HDLBP: variants seen among roughly 807,000 people sequenced by gnomAD.
HDLBP encodes high density lipoprotein binding protein.
Under a neutral mutation model 137.3 loss-of-function variants are expected in HDLBP, and 30 were observed. The observed-to-expected ratio is 0.22, with a 90% CI of 0.16 to 0.30. The LOEUF (loss-of-function observed/expected upper bound fraction) is 0.30. Ranked by LOEUF, HDLBP falls within the 10% of genes least tolerant of loss-of-function variation. The pLI, the probability that HDLBP is intolerant of heterozygous loss-of-function variation, is 1.00. For missense variants in HDLBP, 1,119 were observed against 1,667.3 expected (o/e 0.67, Z 5.73); for synonymous variants, 606 against 596.0 (o/e 1.02, Z -0.24).
chr2:241,272,677 C>A lies in HDLBP; in HGVS notation c.-102-4136G>T. On this transcript the variant is annotated intron_variant, in intron 1 of 27. Coordinates refer to ENST00000310931, the MANE Select transcript of HDLBP (RefSeq NM_005336.6). The surrounding 1 kb of genome is among the most constrained non-coding windows in gnomAD (Gnocchi z 5.6). ...CCCTCCGCGGCCTCCACGTCAGCAG[C>A]CACCCCCCACCCCCCCGCCCGGCAG... 2.6e-6 allele frequency: 2 copies of A among 764,302 alleles called. No homozygotes were observed. The highest frequency in any genetic ancestry group is 3.1e-6 in the Non-Finnish European group (2 of 638,516). 47.3% of individuals were successfully genotyped at this position (764,302 alleles called of 1,614,324 possible).
At chr2:241,286,517 C>CT (rs921786498) in intron 1 of HDLBP, among the ~76,000 whole-genome samples, 5 of 152,184 alleles carry the variant, frequency 3.3e-5, no homozygotes, top group African/African-American at 1.2e-4. Flanking sequence ...GTCTTCCTGC[C>CT]TTTGCTTCGA....
At chr2:241,249,422 C>G (rs1178519574) in intron 12 of HDLBP, 3 of 477,166 alleles carry the variant, frequency 6.3e-6, no homozygotes, top group Non-Finnish European at 1.3e-5. Context: ...CAGAGCAGTG[C>G]AGTGCTTCTG....
At chr2:241,299,784 G>A (rs777168229) in intron 1 of HDLBP, among the ~76,000 whole-genome samples, 6 of 151,752 alleles carry the variant, frequency 4.0e-5, no homozygotes, top group South Asian at 2.1e-4. Flanking sequence ...ACATGATGGC[G>A]GGCACCCATA....
chr2:241,261,194 C>CAAAAAAA (rs5839776), intron 5 of HDLBP, among the ~76,000 whole-genome samples: 2 of 106,636 alleles, frequency 1.9e-5, no homozygotes, highest in Non-Finnish European at 3.6e-5. Context: ...GATCCTGTCT[C>CAAAAAAA]AAAAAAAAAA....
intron 1 of HDLBP, among the ~76,000 whole-genome samples, chr2:241,306,991 G>A (rs1280099240): frequency 1.4e-5 from 2 of 138,144 alleles, no homozygotes; most frequent in East Asian, 4.5e-4. Flanking sequence ...AAAAAAACGA[G>A]GAAAAGCCCA....
At chr2:241,310,932 T>G (rs117931189) in intron 1 of HDLBP, among the ~76,000 whole-genome samples, 1 of 152,090 alleles carries the variant, frequency 6.6e-6, no homozygotes, top group South Asian at 2.1e-4. Flanking sequence ...CTGGGCAACA[T>G]AGAGAGCTCA....
intron 1 of HDLBP, among the ~76,000 whole-genome samples, chr2:241,271,652 G>A (rs924201933): frequency 6.6e-6 from 1 of 152,212 alleles, no homozygotes; most frequent in Non-Finnish European, 1.5e-5. Context: ...TAATACTCCA[G>A]GAAGAATTTC....
intron 17 of HDLBP, among the ~76,000 whole-genome samples, chr2:241,241,674 A>C (rs1369487709): frequency 6.6e-6 from 1 of 151,754 alleles, no homozygotes; most frequent in African/African-American, 2.4e-5. Flanking sequence ...CAACATACAA[A>C]AACCACAGGC....
chr2:241,243,239 G>A (rs955732629), intron 16 of HDLBP, among the ~76,000 whole-genome samples: 6 of 152,148 alleles, frequency 3.9e-5, no homozygotes, highest in African/African-American at 1.4e-4. Flanking sequence ...AGAACCATCC[G>A]GAGATCAGAG....
chr2:241,236,816 C>A lies in HDLBP; in HGVS notation c.2750-47G>T, dbSNP rs754116310. 1.0e-5 allele frequency: 16 copies of A among 1,592,818 alleles called. No individual in the cohort carries two copies. In the East Asian group the frequency reaches 3.1e-4, roughly 31 times the overall value. Reference sequence around the variant, plus strand: ...GACAGCTGACAGCTGCTGGAAGAGACCCCACACCTTGTTCAGAATGCATAT... The same window carrying A: ...GACAGCTGACAGCTGCTGGAAGAGAACCCACACCTTGTTCAGAATGCATAT... On this transcript the variant is annotated intron_variant, in intron 20 of 27. Transcript: ENST00000310931.
At chr2:241,305,846 C>T (rs1047190239) in intron 1 of HDLBP, among the ~76,000 whole-genome samples, 7 of 150,730 alleles carry the variant, frequency 4.6e-5, no homozygotes, top group Admixed American at 4.0e-4. Flanking sequence ...TGCAAAGTTC[C>T]GCCTCCCGGG....
intron 11 of HDLBP, among the ~76,000 whole-genome samples, chr2:241,251,971 G>A (rs911988956): frequency 3.0e-4 from 46 of 152,146 alleles, no homozygotes; most frequent in African/African-American, 8.4e-4. Context: ...GCGAGACTCC[G>A]TCCCAAAAAA....
rs770709432 is a variant in HDLBP at position 241,229,581 on chromosome 2, G to A, written c.*20C>T. 7.6e-6 allele frequency: 12 copies of A among 1,585,254 alleles called. No individual in the cohort carries two copies. The highest frequency in any genetic ancestry group is 9.5e-6 in the Non-Finnish European group (11 of 1,154,528). On this transcript the variant is annotated 3_prime_UTR_variant, in exon 28 of 28. Coordinates refer to ENST00000310931, the MANE Select transcript of HDLBP (RefSeq NM_005336.6). ...GGGTTTGGGTCAGCAGGCTGGAGAG[G>A]GTTCTGTTCTTTTTGATCATTATCG...
intron 11 of HDLBP, among the ~76,000 whole-genome samples, chr2:241,252,422 AG>A (rs2072271104): frequency 6.6e-6 from 1 of 152,298 alleles, no homozygotes; most frequent in African/African-American, 2.4e-5. Context: ...GAATTGCTTG[AG>A]CCCGGTAGGC....
At chr2:241,268,617 G>T in intron 1 of HDLBP, 76 bp from the exon 2 acceptor site, 1 of 473,770 alleles carries the variant, frequency 2.1e-6, no homozygotes, top group South Asian at 9.1e-5. Context: ...TTACAACTCA[G>T]ATCTTTTTAC....
intron 1 of HDLBP, among the ~76,000 whole-genome samples, chr2:241,309,211 A>G (rs1004354627): frequency 6.6e-6 from 1 of 152,094 alleles, no homozygotes; most frequent in Non-Finnish European, 1.5e-5. Context: ...CTTCTTGTCC[A>G]CATTGGACAT....
intron 17 of HDLBP, among the ~76,000 whole-genome samples, chr2:241,242,066 G>T (rs959790231): frequency 1.3e-5 from 2 of 152,212 alleles, no homozygotes; most frequent in Non-Finnish European, 2.9e-5. Context: ...CCACAGATGG[G>T]TTTTGACACA....
At chr2:241,251,419 G>T (rs2149461772) in intron 11 of HDLBP, among the ~76,000 whole-genome samples, 1 of 152,354 alleles carries the variant, frequency 6.6e-6, no homozygotes, top group East Asian at 1.9e-4. Flanking sequence ...ACACCAGAGA[G>T]CTCACCATTG....
chr2:241,271,225 G>A (rs780425643), intron 1 of HDLBP: 129 of 696,834 alleles, frequency 1.9e-4, no homozygotes, highest in Non-Finnish European at 2.2e-4. Context: ...TAGGAAGCTC[G>A]GATCAATCAG....
Sources: gnomAD v4.1 joint callset for allele counts (sites outside exome capture counted in the v4.1 genomes callset) on GRCh38, gnomAD v4.1.1 for gene constraint, Gnocchi (gnomAD v3.1) non-coding constraint, MANE v1.5 for transcripts, NCBI Gene and HGNC (gene_info 2026-07-23, HGNC 2026-07-21) for gene names.